The following CLCN1 variants were observed in gnomAD, a reference collection of about 807,000 sequenced individuals.
CLCN1 encodes chloride voltage-gated channel 1.
A neutral mutation model predicts 114.5 loss-of-function variants in CLCN1; 100 were observed. The observed-to-expected ratio is 0.87, with a 90% CI of 0.74 to 1.03. The LOEUF is 1.03. Ranked by LOEUF, CLCN1 falls within the 50% of genes least tolerant of loss-of-function variation. The pLI is 0.00. For missense variants in CLCN1, 1,188 were observed against 1,250.0 expected (o/e 0.95, Z 0.75); for synonymous variants, 485 against 487.1 (o/e 1.00, Z 0.06).
Position 143,342,369 on chromosome 7 carries a change from T to C in CLCN1, c.1797-3T>C. On this transcript the variant is annotated splice_polypyrimidine_tract_variant and splice_region_variant and intron_variant, in intron 15 of 22. Coordinates refer to ENST00000343257, the MANE Select transcript of CLCN1 (RefSeq NM_000083.3). ...TAACCCACCATGCTTTCTCCCTCCATAGCAAATATACCATCTTTGTTGAGG... is the reference window on the plus strand; with the variant it reads ...TAACCCACCATGCTTTCTCCCTCCACAGCAAATATACCATCTTTGTTGAGG... 1 of 1,614,170 alleles carries C rather than the reference T, an allele frequency of 6.2e-7. No individual in the cohort carries two copies. The highest frequency in any genetic ancestry group is 1.1e-5 in the South Asian group (1 of 91,070).
Position 143,338,209 on chromosome 7 carries a change from T to G in CLCN1, c.1402-1044T>G, listed in dbSNP as rs144704824. ...TTTTGTAAAATGGTCTCAATTTCTATTGGAGTTCTAGCTTACAAAATTGGC... is the reference window on the plus strand; with the variant it reads ...TTTTGTAAAATGGTCTCAATTTCTAGTGGAGTTCTAGCTTACAAAATTGGC... On this transcript the variant is annotated intron_variant, in intron 12 of 22. Coordinates refer to ENST00000343257, the MANE Select transcript of CLCN1 (RefSeq NM_000083.3). 6.1e-3 allele frequency among the ~76,000 whole-genome samples: 931 copies of G among 152,264 alleles called. 22 individuals are homozygous for G. Among genetic ancestry groups the G allele is most frequent in the East Asian group, 9.5e-3 (49 of 5,174 alleles).
chr7:143,330,572 G>C (rs1243130841), intron 7 of CLCN1, among the ~76,000 whole-genome samples, 200 bp from the exon 8 acceptor site: 1 of 152,174 alleles, frequency 6.6e-6, no homozygotes, highest in Non-Finnish European at 1.5e-5. Flanking sequence ...CCCATCCCTT[G>C]TCTGAAATAA....
chr7:143,321,003 A>G lies in CLCN1; in HGVS notation c.433+208A>G, dbSNP rs1158460987. Among the ~76,000 whole-genome samples the G allele has an allele frequency of 6.6e-6, 1 of 152,142 alleles. No individual in the cohort carries two copies. Among genetic ancestry groups the G allele is most frequent in the African/African-American group, 2.4e-5 (1 of 41,452 alleles). Reference sequence around the variant, plus strand: ...ACGCCCCTCCACTCACTGCCACCCAAGCAGTGGATGCCCCTCTAATAGGGT... The same window carrying G: ...ACGCCCCTCCACTCACTGCCACCCAGGCAGTGGATGCCCCTCTAATAGGGT... On this transcript the variant is annotated intron_variant, in intron 3 of 22. Coordinates refer to ENST00000343257, the MANE Select transcript of CLCN1 (RefSeq NM_000083.3). This position sits in a 1 kb window ranked among gnomAD's most constrained non-coding sequence, Gnocchi z 4.2.
In CLCN1 at chr7:143,339,202, T is replaced by A. The variant is rs758960801; in HGVS notation, c.1402-51T>A. On this transcript the variant is annotated intron_variant, in intron 12 of 22. Transcript: ENST00000343257. The surrounding 1 kb of genome is among the most constrained non-coding windows in gnomAD (Gnocchi z 4.1). ...TAGTGGGAAGGGAATTGTGTGTGCA[T>A]GTCTATTGGGCAGAGTTGAAAGGGT... is the stretch of plus-strand genomic sequence containing the variant. 6 of 1,153,828 alleles carry A rather than the reference T, an allele frequency of 5.2e-6. No homozygotes were observed. The highest frequency in any genetic ancestry group is 5.3e-6 in the Non-Finnish European group (4 of 760,148). The allele number at this position is 1,153,828 out of a possible 1,614,324, so 71.5% of individuals were successfully genotyped here.
chr7:143,349,368 C>T (rs924909484), intron 20 of CLCN1, among the ~76,000 whole-genome samples: 1 of 152,174 alleles, frequency 6.6e-6, no homozygotes, highest in Non-Finnish European at 1.5e-5. Flanking sequence ...GGCTACACAC[C>T]AGATCCTAAA....
chr7:143,351,511 GTTC>G lies in CLCN1; in HGVS notation c.2596-80_2596-78del. 3 of 1,467,122 alleles carry G rather than the reference GTTC, an allele frequency of 2.0e-6. No individual in the cohort carries two copies. In the South Asian group the frequency reaches 3.6e-5, roughly 18 times the overall value. 90.9% of individuals were successfully genotyped at this position (1,467,122 alleles called of 1,614,324 possible). On this transcript the variant is annotated intron_variant, in intron 22 of 22. Coordinates refer to ENST00000343257, the MANE Select transcript of CLCN1 (RefSeq NM_000083.3). Reference sequence around the variant, plus strand: ...GTTCTTTTTTCCTTTCATTGTACCTGTTCTTTTCTGTGTCTCTCACTGCCCCCG... The same window carrying G: ...GTTCTTTTTTCCTTTCATTGTACCTGTTTTCTGTGTCTCTCACTGCCCCCG...
rs761916322 is a variant in CLCN1, at chr7:143,346,950, G to A, written c.2403+1G>A. 2 of 1,613,000 alleles carry A rather than the reference G, an allele frequency of 1.2e-6. No homozygotes were observed. The highest frequency in any genetic ancestry group is 2.2e-5 in the East Asian group (1 of 44,868). On this transcript the variant is annotated splice_donor_variant, in intron 20 of 22. Transcript: ENST00000343257. LOFTEE classifies it high-confidence loss of function. ...AGTGGATAACATGTCACCTGAAGAGGTGAGTAAGGGAAATGGAAACCTGGG... is the reference window on the plus strand; with the variant it reads ...AGTGGATAACATGTCACCTGAAGAGATGAGTAAGGGAAATGGAAACCTGGG...
intron 7 of CLCN1, among the ~76,000 whole-genome samples, chr7:143,326,135 G>A (rs936179156): frequency 6.6e-6 from 1 of 152,016 alleles, no homozygotes; most frequent in African/African-American, 2.4e-5. Flanking sequence ...TCATGCCTCA[G>A]TCTCCCAAGT....
chr7:143,346,834 G>C, intron 19 of CLCN1, 77 bp from the exon 20 acceptor site: 1 of 1,413,290 alleles, frequency 7.1e-7, no homozygotes, highest in Non-Finnish European at 1.0e-6. Flanking sequence ...GGGAGGGATG[G>C]CTATTGTTTC....
Position 143,350,718 on chromosome 7 carries a change from G to A in CLCN1, c.2595+64G>A, listed in dbSNP as rs952172721. 1.7e-6 allele frequency: 2 copies of A among 1,153,636 alleles called. No individual in the cohort carries two copies. The highest frequency in any genetic ancestry group is 2.6e-6 in the Non-Finnish European group (2 of 762,724). 71.5% of individuals were successfully genotyped at this position (1,153,636 alleles called of 1,614,324 possible). A position where few individuals can be genotyped will look rare whatever the true frequency, so the allele number is the denominator to read the frequency against. Reference sequence around the variant, plus strand: ...GCTGGGCATAGGATAAGGGGATGCAGTGGGGACAGAAGGAATATTAGCATC... The same window carrying A: ...GCTGGGCATAGGATAAGGGGATGCAATGGGGACAGAAGGAATATTAGCATC... On this transcript the variant is annotated intron_variant, in intron 22 of 22. Coordinates refer to ENST00000343257, the MANE Select transcript of CLCN1 (RefSeq NM_000083.3). This position sits in a 1 kb window ranked among gnomAD's most constrained non-coding sequence, Gnocchi z 5.1.
rs917564524 is a variant in CLCN1, at chr7:143,351,449, T to C, written c.2596-145T>C. ...CTCTGATTGTTCCTTGTTTTCTGTT[T>C]CTCTTTCTCCCCGTTTTGCCACTCT... On this transcript the variant is annotated intron_variant, in intron 22 of 22. Transcript: ENST00000343257. The C allele has an allele frequency of 9.7e-6, 8 of 825,830 alleles. No individual in the cohort carries two copies. The African/African-American group carries it at 1.4e-4, about 14-fold the overall frequency. 51.2% of individuals were successfully genotyped at this position (825,830 alleles called of 1,614,324 possible). A position where few individuals can be genotyped will look rare whatever the true frequency, so the allele number is the denominator to read the frequency against.
At position 143,330,880 on chromosome 7, in the gene CLCN1, T is replaced by A. The variant is rs780150093; in HGVS notation, c.962T>A (p.Val321Glu). Reference sequence around the variant, plus strand: ...GCCTTTGTGTTTCGAGTGCTGGCAGTGTGGAACAAGGATGCTGGTAACCAA... The same window carrying A: ...GCCTTTGTGTTTCGAGTGCTGGCAGAGTGGAACAAGGATGCTGGTAACCAA... Reference protein sequence around the residue: ...FSAFVFRVLAVWNKDAVTITA... With the variant: ...FSAFVFRVLAEWNKDAVTITA... The change falls in exon 8 of 23, where the codon GTG (valine) becomes GAG (glutamate). Residue 321 changes from valine (V) to glutamate (E), a missense_variant. By Grantham distance (121) the Val-to-Glu change is moderately radical. Transcript: ENST00000343257. 2 of 1,614,168 alleles carry A rather than the reference T, an allele frequency of 1.2e-6. No homozygotes were observed. Among genetic ancestry groups the A allele is most frequent in the East Asian group, 4.5e-5 (2 of 44,878 alleles).
chr7:143,333,023 G>C, intron 12 of CLCN1, 150 bp downstream of exon 12: 2 of 928,668 alleles, frequency 2.2e-6, no homozygotes, highest in Non-Finnish European at 1.7e-6. Flanking sequence ...AGTTGGCCAG[G>C]CATGGTGGCT....
chr7:143,351,907 T>G lies in CLCN1; in HGVS notation c.2909T>G (p.Leu970Trp), dbSNP rs773561043. 2 of 1,613,874 alleles carry G rather than the reference T, an allele frequency of 1.2e-6. No individual in the cohort carries two copies. The highest frequency in any genetic ancestry group is 1.7e-6 in the Non-Finnish European group (2 of 1,180,000). The change falls in exon 23 of 23, where the codon TTG (leucine) becomes TGG (tryptophan). Residue 970 changes from leucine (L) to tryptophan (W), a missense_variant. By Grantham distance (61) the Leu-to-Trp change is moderately conservative (BLOSUM62 -2). Transcript: ENST00000343257. ...PGLEEELADILQGPSLRSTDE... is the reference protein window; with the variant it reads ...PGLEEELADIWQGPSLRSTDE... ...CTGGAAGAGGAGCTGGCCGACATCT[T>G]GCAGGGCCCCAGCCTGCGATCCACA...
chr7:143,346,112 GGCTGAGACT>G lies in CLCN1; in HGVS notation c.2173-27_2173-19del. On this transcript the variant is annotated intron_variant, in intron 17 of 22. Transcript: ENST00000343257. ...AAGGCCCAGGCAGTCTCTGCTCCCA[GGCTGAGACT>G]TCTTACTCTTCCTTACAGCTTCCTC... The G allele has an allele frequency of 7.0e-7, 1 of 1,430,032 alleles. No homozygotes were observed. The highest frequency in any genetic ancestry group is 9.9e-7 in the Non-Finnish European group (1 of 1,012,124). The allele number at this position is 1,430,032 out of a possible 1,614,324, so 88.6% of individuals were successfully genotyped here. A position where few individuals can be genotyped will look rare whatever the true frequency, so the allele number is the denominator to read the frequency against.
At position 143,342,019 on chromosome 7, in the gene CLCN1, C is replaced by T. The variant is rs1803091318; in HGVS notation, c.1673C>T (p.Pro558Leu). The change falls in exon 15 of 23, where the codon CCC becomes CTC. Residue 558 changes from proline (P) to leucine (L), a missense_variant. Coordinates refer to ENST00000343257, the MANE Select transcript of CLCN1 (RefSeq NM_000083.3). ...ELTGQIAHIL[P>L]MMVAVILANM... ...ACGGGTCAGATTGCTCACATCCTGC[C>T]CATGATGGTGGCTGTTATCTTGGCC... 6.2e-7 allele frequency: 1 copy of T among 1,614,094 alleles called. No homozygotes were observed. The highest frequency in any genetic ancestry group is 1.3e-5 in the African/African-American group (1 of 74,930).
chr7:143,325,340 CTT>C (rs2116844069), intron 7 of CLCN1, among the ~76,000 whole-genome samples: 1 of 152,310 alleles, frequency 6.6e-6, no homozygotes, highest in South Asian at 2.1e-4. Flanking sequence ...GTTAAGCAAT[CTT>C]TTCATAGAAT....
intron 7 of CLCN1, among the ~76,000 whole-genome samples, chr7:143,328,631 C>T (rs1340875593): frequency 2.0e-5 from 3 of 152,150 alleles, no homozygotes; most frequent in Non-Finnish European, 4.4e-5. Context: ...CCAGGCAAAT[C>T]AAAGCTGACT....
Position 143,321,551 on chromosome 7 carries a change from G to A in CLCN1, c.562+58G>A, listed in dbSNP as rs1184030723. 5.6e-6 allele frequency: 9 copies of A among 1,612,490 alleles called. No homozygotes were observed. The highest frequency in any genetic ancestry group is 7.6e-6 in the Non-Finnish European group (9 of 1,179,614). The stretch of plus-strand genomic sequence containing the variant: ...GGGTGGCCTGAGAGGGGCCCTGTCT[G>A]TCTCCCCCATCATCCAGCCCCACCC... On this transcript the variant is annotated intron_variant, in intron 4 of 22. Transcript: ENST00000343257. This position sits in a 1 kb window ranked among gnomAD's most constrained non-coding sequence, Gnocchi z 4.2.
Sources: gnomAD v4.1 joint callset for allele counts (sites outside exome capture counted in the v4.1 genomes callset) on GRCh38, gnomAD v4.1.1 for gene constraint, Gnocchi (gnomAD v3.1) non-coding constraint, MANE v1.5 for transcripts, NCBI Gene and HGNC (gene_info 2026-07-23, HGNC 2026-07-21) for gene names.